Variants in PLAAT1 observed in about 807,000 individuals in gnomAD.
The protein encoded by PLAAT1 is phospholipase A and acyltransferase 1, also known as H-REV107 protein-related protein.
PLAAT1 carries 13 observed loss-of-function variants against 16.4 expected under a neutral mutation model. The ratio of observed to expected loss-of-function variants is 0.79; its 90% CI spans 0.52 to 1.26. The LOEUF (loss-of-function observed/expected upper bound fraction) is 1.26. Ranked by LOEUF, PLAAT1 falls within the 50% of genes most tolerant of loss-of-function variation. PLAAT1 has a pLI of 0.00. For synonymous variants in PLAAT1, 73 were observed against 78.4 expected, an observed-to-expected ratio of 0.93 and a Z score of 0.36; for missense variants, 218 against 207.8, an observed-to-expected ratio of 1.05 and a Z score of -0.30.
rs757293072 is a variant in PLAAT1, at chr3:193,255,298, TA to T, written c.1-351del. ...CCTAAATAGACCATTTTTTAATATT[TA>T]ATCCTTGATATTTTTAAAATCTGTG... is the stretch of plus-strand genomic sequence containing the variant. On this transcript the variant is annotated intron_variant, in intron 1 of 3. Transcript: ENST00000264735. Among the ~76,000 whole-genome samples, 51 of 152,334 alleles carry T rather than the reference TA, an allele frequency of 3.3e-4. 1 individual carries two copies. The East Asian group carries it at 3.5e-3, about 10-fold the overall frequency.
downstream of PLAAT1, among the ~76,000 whole-genome samples, chr3:193,278,909 G>A (rs948433622): frequency 2.0e-5 from 3 of 152,114 alleles, no homozygotes; most frequent in African/African-American, 7.2e-5. Flanking sequence ...TTAACCCAGG[G>A]CATCCTGGAT....
intron 2 of PLAAT1, chr3:193,276,917 T>C: frequency 9.9e-7 from 1 of 1,012,870 alleles, no homozygotes; most frequent in Non-Finnish European, 1.5e-6. Flanking sequence ...TATAGATTTG[T>C]AATAACTCTC....
At chr3:193,258,196 A>G (rs533185434) in intron 2 of PLAAT1, among the ~76,000 whole-genome samples, 3 of 152,296 alleles carry the variant, frequency 2.0e-5, no homozygotes, top group South Asian at 2.1e-4. Flanking sequence ...CAGAAATCAA[A>G]AAGTTATTTG....
At chr3:193,264,961 A>T (rs923276043) in intron 3 of PLAAT1, among the ~76,000 whole-genome samples, 3 of 152,222 alleles carry the variant, frequency 2.0e-5, no homozygotes, top group African/African-American at 7.2e-5. Flanking sequence ...CCACAATGAG[A>T]TTTCGCTTCA....
chr3:193,276,919 A>G (rs1717243937), intron 2 of PLAAT1: 1 of 999,198 alleles, frequency 1.0e-6, no homozygotes, highest in East Asian at 2.6e-5. Flanking sequence ...TAGATTTGTA[A>G]TAACTCTCTG....
At chr3:193,276,363 T>C (rs902596526) in intron 2 of PLAAT1, among the ~76,000 whole-genome samples, 1 of 152,202 alleles carries the variant, frequency 6.6e-6, no homozygotes, top group African/African-American at 2.4e-5. Flanking sequence ...TTCTCCTCTT[T>C]CTTATGGAAA....
chr3:193,267,344 G>A (rs1432556814), intron 3 of PLAAT1, among the ~76,000 whole-genome samples: 1 of 151,902 alleles, frequency 6.6e-6, no homozygotes. Context: ...TAAAACTCCT[G>A]TGCTCCACCT....
intron 3 of PLAAT1, among the ~76,000 whole-genome samples, chr3:193,267,298 A>G (rs2108802015): frequency 6.6e-6 from 1 of 152,258 alleles, no homozygotes; most frequent in East Asian, 1.9e-4. Context: ...GACACAATCC[A>G]TTATTATAGT....
At chr3:193,249,809 A>C (rs1295741995) in intron 1 of PLAAT1, among the ~76,000 whole-genome samples, 1 of 151,316 alleles carries the variant, frequency 6.6e-6, no homozygotes. Flanking sequence ...TTTTCATTTC[A>C]GTTATATTAT....
At chr3:193,268,523 T>C (rs1318642505) in intron 3 of PLAAT1, among the ~76,000 whole-genome samples, 1 of 152,214 alleles carries the variant, frequency 6.6e-6, no homozygotes, top group Non-Finnish European at 1.5e-5. Flanking sequence ...AAGTAAGCCG[T>C]GAAGTAAAAG....
intron 3 of PLAAT1, among the ~76,000 whole-genome samples, chr3:193,269,109 A>G (rs1490213176): frequency 6.6e-6 from 1 of 151,948 alleles, no homozygotes; most frequent in African/African-American, 2.4e-5. Context: ...TTTATCTTAT[A>G]TCCTGCATCT....
chr3:193,243,086 A>G (rs1392856234), intron 1 of PLAAT1, among the ~76,000 whole-genome samples: 5 of 152,224 alleles, frequency 3.3e-5, no homozygotes, highest in South Asian at 2.1e-4. Flanking sequence ...CTGTTTTGCC[A>G]GTTGGCCAGT....
intron 2 of PLAAT1, among the ~76,000 whole-genome samples, chr3:193,258,322 G>T (rs914669261): frequency 6.6e-6 from 1 of 152,050 alleles, no homozygotes; most frequent in East Asian, 1.9e-4. Flanking sequence ...AAGGAGCTCA[G>T]ATTAACAACC....
intron 2 of PLAAT1, among the ~76,000 whole-genome samples, chr3:193,257,704 G>T (rs1420626394): frequency 6.6e-6 from 1 of 152,130 alleles, no homozygotes. Flanking sequence ...GTTGCCAAAG[G>T]AGACTAACAT....
At chr3:193,266,008 C>T (rs748331428) in intron 3 of PLAAT1, among the ~76,000 whole-genome samples, 40 of 152,200 alleles carry the variant, frequency 2.6e-4, no homozygotes, top group Admixed American at 6.5e-4. Flanking sequence ...ATTTCAGTTA[C>T]GCAAGACAAG....
chr3:193,241,103 G>C, upstream of PLAAT1: 1 of 826,438 alleles, frequency 1.2e-6, no homozygotes, highest in Non-Finnish European at 1.6e-6. Context: ...CGGGGCGCGA[G>C]AAGGTGCAGT....
At chr3:193,248,505 T>C (rs1716066029) in intron 1 of PLAAT1, among the ~76,000 whole-genome samples, 1 of 152,164 alleles carries the variant, frequency 6.6e-6, no homozygotes, top group Non-Finnish European at 1.5e-5. Flanking sequence ...CCTCTCTTGC[T>C]TGCTTCCTTT....
intron 3 of PLAAT1, among the ~76,000 whole-genome samples, chr3:193,268,802 A>T: frequency 6.6e-6 from 1 of 152,160 alleles, no homozygotes; most frequent in East Asian, 1.9e-4. Context: ...CAGGCCTCTT[A>T]AATTTGTCAG....
At chr3:193,242,152 A>G (rs924968988) in intron 1 of PLAAT1, among the ~76,000 whole-genome samples, 1 of 145,798 alleles carries the variant, frequency 6.9e-6, no homozygotes, top group South Asian at 2.2e-4. Context: ...AGCTATCATT[A>G]GAGTTAGTGT....
Sources: gnomAD v4.1 joint callset for allele counts (sites outside exome capture counted in the v4.1 genomes callset) on GRCh38, gnomAD v4.1.1 for gene constraint, MANE v1.5 for transcripts, NCBI Gene and HGNC (gene_info 2026-07-23, HGNC 2026-07-21) for gene names.